Variants in CSMD3 observed in about 807,000 individuals in gnomAD.
CSMD3 encodes the protein CUB and Sushi multiple domains 3, also known as CUB and sushi domain-containing protein 3.
Under a neutral mutation model 435.2 loss-of-function variants are expected in CSMD3, and 177 were observed. The ratio of observed to expected loss-of-function variants is 0.41; its 90% CI spans 0.36 to 0.46. The LOEUF is 0.46. Ranked by LOEUF, CSMD3 falls within the 20% of genes least tolerant of loss-of-function variation. The pLI, the probability that CSMD3 is intolerant of heterozygous loss-of-function variation, is 0.34. For missense variants in CSMD3, 4,265 were observed against 4,504.6 expected, an observed-to-expected ratio of 0.95 and a Z score of 1.52; for synonymous variants, 1,656 against 1,520.5, an observed-to-expected ratio of 1.09 and a Z score of -2.07.
In CSMD3 at chr8:113,412,809, T is replaced by TAA. The variant is rs11410595; in HGVS notation, c.178+23866_178+23867dup. Among the ~76,000 whole-genome samples the TAA allele has an allele frequency of 7.3e-5, 11 of 150,678 alleles. No homozygotes were observed. The East Asian group carries it at 7.8e-4, about 11-fold the overall frequency. On this transcript the variant is annotated intron_variant, in intron 1 of 70. Transcript: ENST00000297405. ...CCAATCTAGAAGACAATGTTACAGGTAAAAAAAAACAAACCAAAGCACGGA... is the reference window on the plus strand; with the variant it reads ...CCAATCTAGAAGACAATGTTACAGGTAAAAAAAAAAACAAACCAAAGCACGGA...
chr8:113,428,555 A>G (rs1359780755), intron 1 of CSMD3, among the ~76,000 whole-genome samples: 2 of 151,790 alleles, frequency 1.3e-5, no homozygotes, highest in African/African-American at 4.8e-5. Context: ...TCTCAAAGAT[A>G]CTTATTAGAA....
At chr8:112,976,411 C>G (rs1287794174) in intron 6 of CSMD3, among the ~76,000 whole-genome samples, 1 of 151,832 alleles carries the variant, frequency 6.6e-6, no homozygotes, top group Non-Finnish European at 1.5e-5. Flanking sequence ...AAAGGGTAAA[C>G]CCTTTATGTG....
intron 1 of CSMD3, among the ~76,000 whole-genome samples, chr8:113,391,786 G>A (rs74440185): frequency 0.021 from 3,190 of 151,936 alleles, 113 homozygotes; most frequent in African/African-American, 0.074. Context: ...ACATGGCAAT[G>A]ATTGCTAGAA....
At chr8:113,390,198 G>A (rs1014480872) in intron 1 of CSMD3, among the ~76,000 whole-genome samples, 14 of 151,798 alleles carry the variant, frequency 9.2e-5, no homozygotes, top group Admixed American at 1.3e-4. Flanking sequence ...GGTGGACACA[G>A]GGCAAGTTCC....
chr8:113,380,428 A>C (rs1156920203), intron 1 of CSMD3, among the ~76,000 whole-genome samples: 11 of 152,086 alleles, frequency 7.2e-5, no homozygotes. Flanking sequence ...TAAAAGCTGC[A>C]TGTGTGTTTC....
In CSMD3 at chr8:113,179,542, T is replaced by A. The variant is rs2092394223; in HGVS notation, c.515-5626A>T. ...TCAGCAGAAAATTTGTATAAACAAA[T>A]TCACAGAAAGTCCCCTATAGGTGTC... On this transcript the variant is annotated intron_variant, in intron 3 of 70. Transcript: ENST00000297405. Among the ~76,000 whole-genome samples the A allele has an allele frequency of 4.0e-5, 6 of 151,894 alleles. No individual in the cohort carries two copies. In the South Asian group the frequency reaches 1.2e-3, roughly 31 times the overall value.
At chr8:112,583,953 T>G (rs1586735182) in intron 23 of CSMD3, among the ~76,000 whole-genome samples, 1 of 151,926 alleles carries the variant, frequency 6.6e-6, no homozygotes, top group African/African-American at 2.4e-5. Context: ...GGCTAGAAAA[T>G]GTTCTGTTTG....
chr8:113,429,984 A>T (rs1314419905), intron 1 of CSMD3, among the ~76,000 whole-genome samples: 2 of 152,334 alleles, frequency 1.3e-5, no homozygotes, highest in Admixed American at 1.3e-4. Context: ...AAAAGAAATC[A>T]ATATCAGAAT....
chr8:113,273,538 C>T (rs2093546574), intron 3 of CSMD3, among the ~76,000 whole-genome samples: 2 of 152,128 alleles, frequency 1.3e-5, no homozygotes. Context: ...GCTGTATATG[C>T]TACCTGCCTA....
At chr8:112,450,585 C>T (rs1450786638) in intron 32 of CSMD3, among the ~76,000 whole-genome samples, 1 of 152,166 alleles carries the variant, frequency 6.6e-6, no homozygotes, top group Non-Finnish European at 1.5e-5. Context: ...ACAAACCTTA[C>T]ATCGGAAAAC....
intron 31 of CSMD3, among the ~76,000 whole-genome samples, chr8:112,482,549 C>T (rs200893103): frequency 6.6e-6 from 1 of 152,140 alleles, no homozygotes; most frequent in South Asian, 2.1e-4. Context: ...TCACTACCCC[C>T]AAGTTCCTGG....
intron 3 of CSMD3, among the ~76,000 whole-genome samples, chr8:113,219,533 G>C (rs1289910378): frequency 1.3e-5 from 2 of 151,234 alleles, no homozygotes; most frequent in Non-Finnish European, 3.0e-5. Context: ...TGATAAAAGT[G>C]GTATCTCAAA....
intron 5 of CSMD3, among the ~76,000 whole-genome samples, chr8:113,089,953 T>C (rs2089945721): frequency 6.6e-6 from 1 of 152,148 alleles, no homozygotes; most frequent in Admixed American, 6.5e-5. Flanking sequence ...TTATCCCGTT[T>C]TGTAGAATAA....
intron 31 of CSMD3, among the ~76,000 whole-genome samples, chr8:112,489,297 T>C (rs922011767): frequency 2.3e-4 from 35 of 152,082 alleles, no homozygotes; most frequent in Non-Finnish European, 2.6e-4. Context: ...TAGTGGCACA[T>C]GCCTGTAGTC....
At chr8:113,093,410 A>C (rs926806681) in intron 5 of CSMD3, among the ~76,000 whole-genome samples, 8 of 152,164 alleles carry the variant, frequency 5.3e-5, no homozygotes, top group South Asian at 4.1e-4. Flanking sequence ...AAGACATCCC[A>C]GTGAATAAGA....
intron 4 of CSMD3, among the ~76,000 whole-genome samples, chr8:113,149,526 C>T (rs1564367495): frequency 6.6e-6 from 1 of 151,814 alleles, no homozygotes; most frequent in Non-Finnish European, 1.5e-5. Context: ...GACATGTATG[C>T]AATTCCCCAC....
At chr8:112,534,612 T>C (rs62516499) in intron 27 of CSMD3, among the ~76,000 whole-genome samples, 11 of 152,118 alleles carry the variant, frequency 7.2e-5, no homozygotes, top group East Asian at 3.9e-4. Flanking sequence ...CAAGGAGGAA[T>C]TGGTACCATT....
chr8:113,099,149 A>T lies in CSMD3; in HGVS notation c.710-186T>A, dbSNP rs573012126. Among the ~76,000 whole-genome samples, 7 of 152,212 alleles carry T rather than the reference A, an allele frequency of 4.6e-5. No individual in the cohort carries two copies. The East Asian group carries it at 1.4e-3, about 29-fold the overall frequency. On this transcript the variant is annotated intron_variant, in intron 4 of 70. Coordinates refer to ENST00000297405, the MANE Select transcript of CSMD3 (RefSeq NM_198123.2). ...TGAAAAAATGTATCAGCACATATAC[A>T]AGTATAAAGTATATCTTAACAATTT...
intron 2 of CSMD3, among the ~76,000 whole-genome samples, chr8:113,306,252 T>C (rs1238842674): frequency 1.3e-5 from 2 of 152,164 alleles, no homozygotes; most frequent in Non-Finnish European, 2.9e-5. Flanking sequence ...AGCCTCTGCG[T>C]TTCCCAGATG....
Sources: allele counts gnomAD v4.1 joint callset (sites outside exome capture counted in the v4.1 genomes callset), GRCh38; gene constraint gnomAD v4.1.1; transcripts MANE v1.5; gene names NCBI Gene and HGNC (gene_info 2026-07-23, HGNC 2026-07-21).